The following AGBL4 variants were observed in gnomAD, a reference collection of about 807,000 sequenced individuals.
The protein encoded by AGBL4 is cytosolic carboxypeptidase 6.
AGBL4 carries 58 observed loss-of-function variants against 66.4 expected under a neutral mutation model. That is an observed-to-expected ratio of 0.87 (90% confidence interval 0.71 to 1.09). AGBL4 has a LOEUF of 1.09. AGBL4 is among the 50% of genes least tolerant of loss of function. The pLI, the probability that AGBL4 is intolerant of heterozygous loss-of-function variation, is 0.00. For missense variants in AGBL4, 579 were observed against 631.0 expected (o/e 0.92, Z 0.88); for synonymous variants, 234 against 222.9 (o/e 1.05, Z -0.44).
intron 2 of AGBL4, among the ~76,000 whole-genome samples, chr1:49,758,067 C>T (rs1652024407): frequency 6.6e-6 from 1 of 152,290 alleles, no homozygotes; most frequent in South Asian, 2.1e-4. Context: ...TGCATCCCAG[C>T]TGCTTCAGTT....
rs1229258624 is a variant in AGBL4, at chr1:49,372,627, C to CTTTT, written c.283-126764_283-126763insAAAA. ...TTTCTTTTTCTTTCTTTCTTTCTTT[C>CTTTT]TTTCTTTCTTTCTTTCTTTCTTTCT... is the stretch of plus-strand genomic sequence containing the variant. On this transcript the variant is annotated intron_variant, in intron 3 of 13. Transcript: ENST00000371839. Among the ~76,000 whole-genome samples, 19 of 113,626 alleles carry CTTTT rather than the reference C, an allele frequency of 1.7e-4. 1 individual carries two copies. The highest frequency in any genetic ancestry group is 6.5e-4 in the African/African-American group (16 of 24,604). The allele number at this position is 113,626 out of a possible 152,430, so 74.5% of individuals were successfully genotyped here.
At chr1:49,212,081 C>G (rs1557733813) in intron 4 of AGBL4, among the ~76,000 whole-genome samples, 1 of 152,108 alleles carries the variant, frequency 6.6e-6, no homozygotes. Context: ...AATCATACAA[C>G]TAGTGAGTGA....
At chr1:49,113,238 C>A (rs1486225102) in intron 4 of AGBL4, among the ~76,000 whole-genome samples, 1 of 152,052 alleles carries the variant, frequency 6.6e-6, no homozygotes, top group Non-Finnish European at 1.5e-5. Flanking sequence ...GCATGAGCCA[C>A]CGCACCCGGC....
At chr1:48,958,374 G>C (rs1033046160) in intron 5 of AGBL4, among the ~76,000 whole-genome samples, 12 of 152,184 alleles carry the variant, frequency 7.9e-5, no homozygotes, top group African/African-American at 2.9e-4. Flanking sequence ...ATAGTATAGA[G>C]CTGTCACTGA....
intron 4 of AGBL4, among the ~76,000 whole-genome samples, chr1:49,197,538 T>C (rs999701110): frequency 2.0e-5 from 3 of 152,188 alleles, no homozygotes; most frequent in Non-Finnish European, 2.9e-5. Flanking sequence ...AATGCTGCTG[T>C]GCTGAGGTGC....
intron 1 of AGBL4, among the ~76,000 whole-genome samples, chr1:49,959,952 TG>T (rs1213429334): frequency 6.6e-6 from 1 of 151,744 alleles, no homozygotes; most frequent in Non-Finnish European, 1.5e-5. Flanking sequence ...CACTTTTAAG[TG>T]GGAGCTAAAC....
chr1:49,445,276 C>G (rs992440758), intron 3 of AGBL4, among the ~76,000 whole-genome samples: 1 of 151,632 alleles, frequency 6.6e-6, no homozygotes, highest in Admixed American at 6.6e-5. Context: ...TTTTATGATT[C>G]ATTCTTTATC....
At chr1:49,881,405 A>T (rs1233350499) in intron 1 of AGBL4, among the ~76,000 whole-genome samples, 6 of 152,100 alleles carry the variant, frequency 3.9e-5, no homozygotes, top group Non-Finnish European at 7.3e-5. Flanking sequence ...TATACCCAGT[A>T]ATGGGATGGC....
chr1:49,248,658 C>A (rs1651823385), intron 3 of AGBL4, among the ~76,000 whole-genome samples: 1 of 151,720 alleles, frequency 6.6e-6, no homozygotes, highest in African/African-American at 2.4e-5. Flanking sequence ...TTGTTTACAT[C>A]CAAAATTGAG....
chr1:48,949,844 G>A (rs542684378), intron 5 of AGBL4, among the ~76,000 whole-genome samples: 1 of 152,276 alleles, frequency 6.6e-6, no homozygotes, highest in East Asian at 1.9e-4. Flanking sequence ...TTTGATTACT[G>A]TCTGTAATTG....
At chr1:49,530,282 A>AAAAAAAAAAAAAAAAAAC (rs1558025489) in intron 3 of AGBL4, among the ~76,000 whole-genome samples, 2 of 145,416 alleles carry the variant, frequency 1.4e-5, no homozygotes, top group South Asian at 2.2e-4. Flanking sequence ...ACAAAAAAAA[A>AAAAAAAAAAAAAAAAAAC]CTCTATGAGT....
chr1:49,754,359 C>A (rs1428256268), intron 2 of AGBL4, among the ~76,000 whole-genome samples: 2 of 151,272 alleles, frequency 1.3e-5, no homozygotes, highest in African/African-American at 4.9e-5. Flanking sequence ...AGGTTAGTTA[C>A]ATATGTATAC....
intron 6 of AGBL4, chr1:48,776,455 G>T: frequency 1.7e-6 from 1 of 603,700 alleles, no homozygotes; most frequent in South Asian, 3.0e-5. Context: ...GAGACACCCC[G>T]TTCCCAAATG....
chr1:48,909,187 T>C (rs12024024), intron 5 of AGBL4, among the ~76,000 whole-genome samples: 14,002 of 152,200 alleles, frequency 0.092, 729 homozygotes, highest in Non-Finnish European at 0.11. Flanking sequence ...TTGAAGATAG[T>C]TGGGAGTGTC....
At chr1:48,745,191 G>A (rs530790309) in intron 6 of AGBL4, among the ~76,000 whole-genome samples, 1 of 152,268 alleles carries the variant, frequency 6.6e-6, no homozygotes, top group Non-Finnish European at 1.5e-5. Context: ...GAGGAAGAGA[G>A]GGACTTTAAT....
chr1:49,649,832 C>T (rs1645966051), intron 3 of AGBL4, among the ~76,000 whole-genome samples: 1 of 152,000 alleles, frequency 6.6e-6, no homozygotes, highest in East Asian at 1.9e-4. Flanking sequence ...AAATAAGTAA[C>T]AAAAAGTTAC....
chr1:49,918,313 G>T (rs1305703112), intron 1 of AGBL4, among the ~76,000 whole-genome samples: 1 of 152,012 alleles, frequency 6.6e-6, no homozygotes, highest in Non-Finnish European at 1.5e-5. Context: ...TTTTTGAAAA[G>T]ATCAACAAAA....
intron 4 of AGBL4, among the ~76,000 whole-genome samples, chr1:49,196,039 T>C (rs936203933): frequency 2.1e-4 from 32 of 152,162 alleles, no homozygotes; most frequent in African/African-American, 7.0e-4. Flanking sequence ...CTCTTTGCCT[T>C]CCACCATGAT....
At chr1:49,325,228 T>C (rs542881354) in intron 3 of AGBL4, among the ~76,000 whole-genome samples, 2 of 152,322 alleles carry the variant, frequency 1.3e-5, no homozygotes, top group Admixed American at 6.5e-5. Context: ...GTTTTCACCA[T>C]GTTAGTCAGG....
Sources: gnomAD v4.1 joint callset for allele counts (sites outside exome capture counted in the v4.1 genomes callset) on GRCh38, gnomAD v4.1.1 for gene constraint, MANE v1.5 for transcripts, NCBI Gene and HGNC (gene_info 2026-07-23, HGNC 2026-07-21) for gene names.